The following INPP5A variants were observed in gnomAD, a reference collection of about 807,000 sequenced individuals.
INPP5A encodes the protein 43 kDa inositol polyphosphate 5-phophatase.
In INPP5A, 14 loss-of-function variants were observed where a neutral mutation model predicts 65.2. The ratio of observed to expected loss-of-function variants is 0.21; its 90% CI spans 0.14 to 0.34. The LOEUF is 0.34. Ranked by LOEUF, INPP5A falls within the 10% of genes least tolerant of loss-of-function variation. INPP5A has a pLI of 1.00. For synonymous variants in INPP5A, 207 were observed against 208.3 expected (o/e 0.99, Z 0.05); for missense variants, 431 against 545.6 (o/e 0.79, Z 2.09).
Position 132,779,809 on chromosome 10 carries a change from C to T in INPP5A, c.1090-1040C>T, listed in dbSNP as rs1397810067. ...TCGTCACCAAGCTCCGTTCTGCCTC[C>T]GGAGCCCTAAAACACCAAAAGGGGC... On this transcript the variant is annotated intron_variant, in intron 13 of 15. Transcript: ENST00000368594. Among the ~76,000 whole-genome samples, 5 of 152,214 alleles carry T rather than the reference C, an allele frequency of 3.3e-5. No individual in the cohort carries two copies. In the East Asian group the frequency reaches 5.8e-4, roughly 18 times the overall value.
chr10:132,537,840 A>C lies in INPP5A; in HGVS notation c.-257A>C. On this transcript the variant is annotated 5_prime_UTR_variant, in exon 1 of 16. Coordinates refer to ENST00000368594, the MANE Select transcript of INPP5A (RefSeq NM_005539.5). ...CTGCGGGAACTTTCCCAGCGGATCT[A>C]ATGGCTGCGCGCGGGCCGCTGTGAG... 1 of 354,996 alleles carries C rather than the reference A, an allele frequency of 2.8e-6. No individual in the cohort carries two copies. Among genetic ancestry groups the C allele is most frequent in the Non-Finnish European group, 5.0e-6 (1 of 198,424 alleles). 22.0% of individuals were successfully genotyped at this position (354,996 alleles called of 1,614,324 possible).
chr10:132,749,628 G>T lies in INPP5A; in HGVS notation c.828+16G>T. ...CGACCGGAAGGTGAGCGGGGCCTGT[G>T]ACTGGGCAGGTGACGCACGGGGCCT... On this transcript the variant is annotated intron_variant, in intron 10 of 15. Transcript: ENST00000368594. The T allele has an allele frequency of 6.2e-7, 1 of 1,611,698 alleles. No homozygotes were observed. Among genetic ancestry groups the T allele is most frequent in the South Asian group, 1.1e-5 (1 of 91,048 alleles).
intron 1 of INPP5A, among the ~76,000 whole-genome samples, chr10:132,561,860 T>G (rs1447910579): frequency 6.6e-6 from 1 of 152,104 alleles, no homozygotes; most frequent in Non-Finnish European, 1.5e-5. Context: ...GATGCAGTTC[T>G]TACTTAATAG....
At chr10:132,721,320 G>A (rs1418464737) in intron 8 of INPP5A, among the ~76,000 whole-genome samples, 8 of 149,406 alleles carry the variant, frequency 5.4e-5, no homozygotes, top group Admixed American at 4.0e-4. Context: ...GCCTTAGACG[G>A]CTGTCTTGCG....
intron 1 of INPP5A, among the ~76,000 whole-genome samples, chr10:132,557,718 G>C (rs1027404468): frequency 2.0e-5 from 3 of 152,186 alleles, no homozygotes; most frequent in African/African-American, 7.2e-5. Flanking sequence ...GGTTAAAAGG[G>C]GCCCGAGTGT....
chr10:132,719,967 TC>T (rs1564981977), intron 8 of INPP5A, among the ~76,000 whole-genome samples: 3 of 150,690 alleles, frequency 2.0e-5, no homozygotes, highest in African/African-American at 4.9e-5. Context: ...CTGGGTTCTT[TC>T]TGGGGGCACC....
chr10:132,776,427 A>G (rs192499603), intron 12 of INPP5A, among the ~76,000 whole-genome samples: 183 of 152,228 alleles, frequency 1.2e-3, no homozygotes, highest in Non-Finnish European at 2.2e-3. Context: ...TCCGGGGGGC[A>G]TGGGAGGGGC....
intron 4 of INPP5A, among the ~76,000 whole-genome samples, chr10:132,667,690 A>T (rs2072824807): frequency 6.6e-6 from 1 of 152,220 alleles, no homozygotes; most frequent in Non-Finnish European, 1.5e-5. Flanking sequence ...TTACACTGAT[A>T]TAGTATTGAT....
chr10:132,645,671 T>A (rs1460867640), intron 2 of INPP5A, among the ~76,000 whole-genome samples, 197 bp from the exon 3 acceptor site: 2 of 152,146 alleles, frequency 1.3e-5, no homozygotes, highest in African/African-American at 4.8e-5. Flanking sequence ...TGAAAAGCAC[T>A]GGAAATATAA....
intron 4 of INPP5A, among the ~76,000 whole-genome samples, chr10:132,671,339 TCCGCC>T (rs2072887887): frequency 6.8e-6 from 1 of 146,928 alleles, no homozygotes; most frequent in African/African-American, 2.5e-5. Flanking sequence ...TGCTTCGGAC[TCCGCC>T]CTCCCTGCTT....
rs1341305141 is a variant in INPP5A at position 132,542,546 on chromosome 10, G to A, written c.75+4375G>A. ...ACTCCATGTTTCCTCCAGCCACTGC[G>A]GGGCATCCTGACTCTCTACCGTGGC... On this transcript the variant is annotated intron_variant, in intron 1 of 15. Transcript: ENST00000368594. 3.3e-5 allele frequency among the ~76,000 whole-genome samples: 5 copies of A among 151,792 alleles called. No homozygotes were observed. The South Asian group carries it at 8.3e-4, about 25-fold the overall frequency.
chr10:132,740,451 T>C (rs538337712), intron 9 of INPP5A, among the ~76,000 whole-genome samples: 1 of 152,326 alleles, frequency 6.6e-6, no homozygotes, highest in Non-Finnish European at 1.5e-5. Flanking sequence ...AGATTTATAT[T>C]CACGTTCACC....
intron 1 of INPP5A, among the ~76,000 whole-genome samples, chr10:132,590,198 C>T (rs976945520): frequency 4.6e-5 from 7 of 152,042 alleles, no homozygotes; most frequent in South Asian, 2.1e-4. Context: ...GGTCAGATGC[C>T]GTCCTGTGGG....
At chr10:132,731,995 C>A (rs937295440) in intron 9 of INPP5A, among the ~76,000 whole-genome samples, 2 of 152,228 alleles carry the variant, frequency 1.3e-5, no homozygotes, top group Non-Finnish European at 2.9e-5. Flanking sequence ...GACGTAGATG[C>A]CACCCAGGGG....
intron 2 of INPP5A, among the ~76,000 whole-genome samples, chr10:132,628,463 CGG>C (rs55668291): frequency 0.08 from 1,863 of 23,284 alleles, 121 homozygotes; most frequent in African/African-American, 0.15. Flanking sequence ...GCTCTGGTGG[CGG>C]GGGGGGGGGG....
At chr10:132,595,620 G>T (rs2071676188) in intron 1 of INPP5A, among the ~76,000 whole-genome samples, 1 of 152,100 alleles carries the variant, frequency 6.6e-6, no homozygotes, top group Non-Finnish European at 1.5e-5. Flanking sequence ...CTACATTGGG[G>T]TGTTTGTCAC....
At chr10:132,579,311 G>T (rs914951561) in intron 1 of INPP5A, among the ~76,000 whole-genome samples, 1 of 152,084 alleles carries the variant, frequency 6.6e-6, no homozygotes, top group Non-Finnish European at 1.5e-5. Context: ...GGTGGCTGTC[G>T]TGCCCCTGAG....
intron 2 of INPP5A, among the ~76,000 whole-genome samples, chr10:132,621,699 G>A (rs2072112414): frequency 6.6e-6 from 1 of 152,128 alleles, no homozygotes; most frequent in Non-Finnish European, 1.5e-5. Flanking sequence ...TTGTCCCAGA[G>A]GAGCCTCAGA....
chr10:132,538,332 C>T lies in INPP5A; in HGVS notation c.75+161C>T, dbSNP rs1295451024. On this transcript the variant is annotated intron_variant, in intron 1 of 15. Transcript: ENST00000368594. The surrounding 1 kb of genome is among the most constrained non-coding windows in gnomAD (Gnocchi z 4.1). Reference sequence around the variant, plus strand: ...GGGACCCCAGACTCCTGTCCTGATTCCCAAGTCTGGGAGCCCAGACCCCTG... The same window carrying T: ...GGGACCCCAGACTCCTGTCCTGATTTCCAAGTCTGGGAGCCCAGACCCCTG... Among the ~76,000 whole-genome samples the T allele has an allele frequency of 6.6e-6, 1 of 152,242 alleles. No individual in the cohort carries two copies. Among genetic ancestry groups the T allele is most frequent in the South Asian group, 2.1e-4 (1 of 4,820 alleles).
Sources: allele counts gnomAD v4.1 joint callset (sites outside exome capture counted in the v4.1 genomes callset), GRCh38; gene constraint gnomAD v4.1.1; non-coding constraint Gnocchi (gnomAD v3.1); transcripts MANE v1.5; gene names NCBI Gene and HGNC (gene_info 2026-07-23, HGNC 2026-07-21).